Variants in TBC1D1 observed in about 807,000 individuals in gnomAD.
TBC1D1 encodes TBC1 domain family member 1.
In TBC1D1, 89 loss-of-function variants were observed where a neutral mutation model predicts 125.6. That is an observed-to-expected ratio of 0.71 (90% CI 0.60 to 0.85). The LOEUF is 0.85. Ranked by LOEUF, TBC1D1 falls within the 40% of genes least tolerant of loss-of-function variation. The pLI is 0.00. For missense variants in TBC1D1, 1,377 were observed against 1,469.2 expected (o/e 0.94, Z 1.03); for synonymous variants, 565 against 564.1 (o/e 1.00, Z -0.02).
At chr4:37,954,619 G>T (rs1259161391) in intron 2 of TBC1D1, among the ~76,000 whole-genome samples, 1 of 152,180 alleles carries the variant, frequency 6.6e-6, no homozygotes, top group African/African-American at 2.4e-5. Context: ...GACCAGTGAG[G>T]ATACCTTTGA....
At position 37,916,361 on chromosome 4, in the gene TBC1D1, T is replaced by C. The variant is rs904700752; in HGVS notation, c.417+13849T>C. Among the ~76,000 whole-genome samples, 9 of 151,506 alleles carry C rather than the reference T, an allele frequency of 5.9e-5. No individual in the cohort carries two copies. The South Asian group carries it at 1.7e-3, about 28-fold the overall frequency. ...GTGTGTATATATGTGTATATATACA[T>C]ATATATATACATATACTTTAAACAT... is the stretch of plus-strand genomic sequence containing the variant. On this transcript the variant is annotated intron_variant, in intron 2 of 19. Coordinates refer to ENST00000261439, the MANE Select transcript of TBC1D1 (RefSeq NM_015173.4).
intron 2 of TBC1D1, chr4:38,007,086 T>C: frequency 3.4e-6 from 1 of 295,826 alleles, no homozygotes; most frequent in African/African-American, 2.3e-5. Flanking sequence ...GCGCAGGGCA[T>C]ATTCTGAAAG....
chr4:37,944,743 C>T lies in TBC1D1; in HGVS notation c.417+42231C>T, dbSNP rs544919846. Among the ~76,000 whole-genome samples, 7 of 152,276 alleles carry T rather than the reference C, an allele frequency of 4.6e-5. No homozygotes were observed. In the South Asian group the frequency reaches 1.5e-3, roughly 32 times the overall value. On this transcript the variant is annotated intron_variant, in intron 2 of 19. Coordinates refer to ENST00000261439, the MANE Select transcript of TBC1D1 (RefSeq NM_015173.4). ...CCAGGGGCTGTCTGTTACGGCTTAC[C>T]TTGGCTAGGAAAGGGAATTCCCTGA... is the stretch of plus-strand genomic sequence containing the variant.
chr4:38,001,871 A>T (rs1360166120), intron 2 of TBC1D1, among the ~76,000 whole-genome samples: 1 of 152,216 alleles, frequency 6.6e-6, no homozygotes, highest in African/African-American at 2.4e-5. Context: ...GATCTTGTTA[A>T]ATATGGCAGT....
At chr4:38,114,355 G>A (rs557188233) in intron 15 of TBC1D1, among the ~76,000 whole-genome samples, 9 of 152,316 alleles carry the variant, frequency 5.9e-5, no homozygotes, top group South Asian at 2.1e-4. Context: ...TTAGGAGACC[G>A]TAGCTTTCCT....
chr4:38,098,307 TC>T (rs1430085731), intron 14 of TBC1D1, among the ~76,000 whole-genome samples: 16 of 152,218 alleles, frequency 1.1e-4, no homozygotes, highest in Non-Finnish European at 2.9e-5. Context: ...AGTCTGTTCT[TC>T]CCCCATTCAC....
At chr4:38,122,713 A>AATAG (rs1189649314) in intron 17 of TBC1D1, among the ~76,000 whole-genome samples, 2 of 152,244 alleles carry the variant, frequency 1.3e-5, no homozygotes, top group Non-Finnish European at 2.9e-5. Context: ...TTAGATGCTC[A>AATAG]ATAGATGCTC....
chr4:38,059,095 C>T (rs538708005), intron 12 of TBC1D1, among the ~76,000 whole-genome samples: 1 of 152,274 alleles, frequency 6.6e-6, no homozygotes, highest in East Asian at 1.9e-4. Context: ...TTGCAAGAAT[C>T]TGAACTTTAT....
intron 2 of TBC1D1, among the ~76,000 whole-genome samples, chr4:37,944,866 C>T (rs1236944244): frequency 6.6e-6 from 1 of 152,190 alleles, no homozygotes; most frequent in East Asian, 1.9e-4. Context: ...TGACATGCCC[C>T]AGTGAGATGA....
At chr4:38,075,915 G>A (rs991587449) in intron 12 of TBC1D1, among the ~76,000 whole-genome samples, 3 of 151,444 alleles carry the variant, frequency 2.0e-5, no homozygotes, top group Non-Finnish European at 4.4e-5. Context: ...TTTTTCCCTT[G>A]GTCACATGTT....
intron 2 of TBC1D1, among the ~76,000 whole-genome samples, chr4:38,006,181 C>A (rs561091585): frequency 1.5e-3 from 229 of 151,806 alleles, no homozygotes; most frequent in African/African-American, 5.3e-3. Flanking sequence ...AAAATAGAAT[C>A]AGTTTGGAAT....
intron 2 of TBC1D1, among the ~76,000 whole-genome samples, chr4:37,962,105 C>T (rs577810101): frequency 6.6e-6 from 1 of 152,348 alleles, no homozygotes; most frequent in South Asian, 2.1e-4. Flanking sequence ...GTTTTGTTCA[C>T]TATGGTGTCC....
At chr4:37,986,508 C>T (rs577267883) in intron 2 of TBC1D1, among the ~76,000 whole-genome samples, 48 of 152,234 alleles carry the variant, frequency 3.2e-4, no homozygotes, top group African/African-American at 1.0e-3. Context: ...TGCAGTGGCG[C>T]GATCTCGGCT....
intron 13 of TBC1D1, 47 bp from the exon 16 acceptor site, chr4:38,095,882 C>G: frequency 1.3e-6 from 2 of 1,544,152 alleles, no homozygotes; most frequent in Non-Finnish European, 1.7e-6. Context: ...AATGGAAATT[C>G]CATAGCTGTA....
At chr4:38,019,437 C>T (rs559042528) in intron 4 of TBC1D1, among the ~76,000 whole-genome samples, 1 of 152,232 alleles carries the variant, frequency 6.6e-6, no homozygotes, top group Admixed American at 6.5e-5. Context: ...AATGATTGCT[C>T]ATTTATTGGA....
chr4:37,927,791 G>C (rs758602173), intron 2 of TBC1D1, among the ~76,000 whole-genome samples: 13 of 152,210 alleles, frequency 8.5e-5, no homozygotes, highest in Admixed American at 3.3e-4. Flanking sequence ...CAGCTACTCA[G>C]GAGGCTGACG....
chr4:37,997,514 A>G (rs1266049926), intron 2 of TBC1D1, among the ~76,000 whole-genome samples: 2 of 152,226 alleles, frequency 1.3e-5, no homozygotes, highest in Non-Finnish European at 2.9e-5. Flanking sequence ...GTTTTTACCT[A>G]GTAGCAGTAG....
In TBC1D1 at chr4:38,138,082, T is replaced by C. The variant is rs902336557; in HGVS notation, c.*747T>C. 3 of 152,298 alleles carry C rather than the reference T, an allele frequency of 2.0e-5. No homozygotes were observed. The South Asian group carries it at 6.2e-4, about 32-fold the overall frequency. The allele number at this position is 152,298 out of a possible 1,614,324, so 9.4% of individuals were successfully genotyped here. A position where few individuals can be genotyped will look rare whatever the true frequency, so the allele number is the denominator to read the frequency against. On this transcript the variant is annotated 3_prime_UTR_variant, in exon 20 of 20. Coordinates refer to ENST00000261439, the MANE Select transcript of TBC1D1 (RefSeq NM_015173.4). ...TATTTAATTTGGATATCCTGATCACTGTCAAGTGAAATGGATCTCTCTCTT... is the reference window on the plus strand; with the variant it reads ...TATTTAATTTGGATATCCTGATCACCGTCAAGTGAAATGGATCTCTCTCTT...
chr4:38,110,234 C>T, intron 15 of TBC1D1: 1 of 985,430 alleles, frequency 1.0e-6, no homozygotes, highest in Non-Finnish European at 1.2e-6. Flanking sequence ...GATGGGGTTT[C>T]TCACAGCACC....
Sources: gnomAD v4.1 joint callset for allele counts (sites outside exome capture counted in the v4.1 genomes callset) on GRCh38, gnomAD v4.1.1 for gene constraint, MANE v1.5 for transcripts, NCBI Gene and HGNC (gene_info 2026-07-23, HGNC 2026-07-21) for gene names.